IL34: variants seen among roughly 807,000 people sequenced by gnomAD.
IL34 encodes the protein interleukin-34.
In IL34, 17 loss-of-function variants were observed where a neutral mutation model predicts 25.3. The observed-to-expected ratio is 0.67, with a 90% CI of 0.46 to 1.01. The LOEUF (loss-of-function observed/expected upper bound fraction) is 1.01. Ranked by LOEUF, IL34 falls within the 50% of genes least tolerant of loss-of-function variation. The pLI is 0.00. For missense variants in IL34, 368 were observed against 312.9 expected, an observed-to-expected ratio of 1.18 and a Z score of -1.33; for synonymous variants, 174 against 140.9, an observed-to-expected ratio of 1.23 and a Z score of -1.66.
At chr16:70,617,359 A>G (rs910644984) in intron 1 of IL34, among the ~76,000 whole-genome samples, 1 of 152,192 alleles carries the variant, frequency 6.6e-6, no homozygotes, top group Non-Finnish European at 1.5e-5. Flanking sequence ...GCACGAGGAG[A>G]TATCAGCTGT....
intron 1 of IL34, among the ~76,000 whole-genome samples, chr16:70,596,866 C>G (rs936847276): frequency 6.6e-6 from 1 of 152,092 alleles, no homozygotes; most frequent in African/African-American, 2.4e-5. Flanking sequence ...GGATTACAGG[C>G]ATGAGCCACC....
Position 70,639,778 on chromosome 16 carries a change from AC to A in IL34, c.-400-6767del, listed in dbSNP as rs2051739193. 3.3e-5 allele frequency among the ~76,000 whole-genome samples: 5 copies of A among 152,110 alleles called. No homozygotes were observed. In the South Asian group the frequency reaches 1.0e-3, roughly 32 times the overall value. On this transcript the variant is annotated intron_variant, in intron 1 of 6. Transcript: ENST00000429149. ...AGAGCAGCTTGAGCAACATAGTGAGACCCTGTCTCTACAAAAACTAAAAATA... is the reference window on the plus strand; with the variant it reads ...AGAGCAGCTTGAGCAACATAGTGAGACCTGTCTCTACAAAAACTAAAAATA...
At chr16:70,638,148 GCTTCC>G (rs2051697683) in intron 1 of IL34, among the ~76,000 whole-genome samples, 1 of 152,182 alleles carries the variant, frequency 6.6e-6, no homozygotes, top group Non-Finnish European at 1.5e-5. Context: ...AATTAGCCCT[GCTTCC>G]AACCAGAGGG....
Position 70,599,627 on chromosome 16 carries a change from G to A in IL34, c.-401+19578G>A, listed in dbSNP as rs536055957. ...TGACCTTCAGGTGATCGCCCGCCTCGGCAGTCCAAAGTGTGCTGGGATTAC... is the reference window on the plus strand; with the variant it reads ...TGACCTTCAGGTGATCGCCCGCCTCAGCAGTCCAAAGTGTGCTGGGATTAC... On this transcript the variant is annotated intron_variant, in intron 1 of 6. Transcript: ENST00000429149. Among the ~76,000 whole-genome samples the A allele has an allele frequency of 2.0e-3, 307 of 151,244 alleles. 1 individual carries two copies. Among genetic ancestry groups the A allele is most frequent in the African/African-American group, 7.1e-3 (292 of 41,156 alleles).
At chr16:70,609,757 T>C (rs75388002) in intron 1 of IL34, among the ~76,000 whole-genome samples, 8 of 152,148 alleles carry the variant, frequency 5.3e-5, no homozygotes, top group Non-Finnish European at 1.2e-4. Context: ...TGAGTGATAT[T>C]ACCCATGAGG....
chr16:70,632,392 G>A (rs577679484), intron 1 of IL34, among the ~76,000 whole-genome samples: 14 of 152,270 alleles, frequency 9.2e-5, no homozygotes, highest in African/African-American at 3.1e-4. Flanking sequence ...AAATAATGAA[G>A]TTAAAAACAA....
chr16:70,650,493 C>T (rs1017612347), intron 1 of IL34, among the ~76,000 whole-genome samples: 7 of 152,060 alleles, frequency 4.6e-5, no homozygotes, highest in African/African-American at 1.2e-4. Flanking sequence ...GGCCCCAGAA[C>T]GGGACACAGA....
chr16:70,649,528 C>G (rs951334657), intron 1 of IL34, among the ~76,000 whole-genome samples: 3 of 152,214 alleles, frequency 2.0e-5, no homozygotes, highest in African/African-American at 7.2e-5. Context: ...TGTCAGGGCT[C>G]TGCCTCTGGA....
At chr16:70,641,607 C>A (rs2051786915), upstream of IL34, among the ~76,000 whole-genome samples, 1 of 149,142 alleles carries the variant, frequency 6.7e-6, no homozygotes. Context: ...ACTCTGTTGC[C>A]AAGGCTGGAG....
chr16:70,625,025 A>G (rs527847983), intron 1 of IL34, among the ~76,000 whole-genome samples: 2 of 152,218 alleles, frequency 1.3e-5, no homozygotes, highest in South Asian at 2.1e-4. Context: ...CCATTTGTCT[A>G]TTTTACAGCA....
At chr16:70,599,531 A>AT (rs571022559) in intron 1 of IL34, among the ~76,000 whole-genome samples, 2,424 of 132,916 alleles carry the variant, frequency 0.018, 41 homozygotes, top group African/African-American at 0.038. Flanking sequence ...TAATTTTTGT[A>AT]TTTTTTTTTT....
intron 1 of IL34, among the ~76,000 whole-genome samples, chr16:70,630,399 G>A (rs1317771491): frequency 6.7e-6 from 1 of 149,056 alleles, no homozygotes; most frequent in African/African-American, 2.5e-5. Flanking sequence ...GCCTGGCTAA[G>A]TTTTGTATTT....
chr16:70,586,512 C>T (rs539924332), intron 1 of IL34, among the ~76,000 whole-genome samples: 50 of 152,204 alleles, frequency 3.3e-4, no homozygotes, highest in Admixed American at 5.9e-4. Flanking sequence ...GCTGTGTTCG[C>T]GCCACTGCAC....
intron 1 of IL34, among the ~76,000 whole-genome samples, chr16:70,595,538 G>T (rs1945112500): frequency 6.6e-6 from 1 of 151,872 alleles, no homozygotes; most frequent in Non-Finnish European, 1.5e-5. Flanking sequence ...GGCTGGTCTT[G>T]AACTCCTGGA....
At chr16:70,627,176 G>C (rs2051412255) in intron 1 of IL34, among the ~76,000 whole-genome samples, 1 of 152,042 alleles carries the variant, frequency 6.6e-6, no homozygotes, top group Admixed American at 6.5e-5. Flanking sequence ...CCCCTTATAT[G>C]TTGAGCTCTT....
At chr16:70,625,115 TGG>T (rs1310809575) in intron 1 of IL34, among the ~76,000 whole-genome samples, 1 of 152,014 alleles carries the variant, frequency 6.6e-6, no homozygotes, top group Non-Finnish European at 1.5e-5. Flanking sequence ...GAGTTTGTAT[TGG>T]GGTCAAGCAG....
chr16:70,637,863 C>G (rs1488589402), intron 1 of IL34, among the ~76,000 whole-genome samples: 3 of 152,134 alleles, frequency 2.0e-5, no homozygotes, highest in Non-Finnish European at 4.4e-5. Flanking sequence ...TTAAAGCAAT[C>G]GGCACATGGT....
chr16:70,592,329 A>T (rs898488067), intron 1 of IL34, among the ~76,000 whole-genome samples: 3 of 152,002 alleles, frequency 2.0e-5, no homozygotes, highest in Non-Finnish European at 2.9e-5. Context: ...TCTTCTCCCC[A>T]GTGCACCCCA....
chr16:70,599,676 C>A (rs1361367027), intron 1 of IL34, among the ~76,000 whole-genome samples: 2 of 137,190 alleles, frequency 1.5e-5, no homozygotes, highest in Admixed American at 7.4e-5. Flanking sequence ...TGCACCCGGT[C>A]TTTTTTTTTT....
Sources: allele counts gnomAD v4.1 joint callset (sites outside exome capture counted in the v4.1 genomes callset), GRCh38; gene constraint gnomAD v4.1.1; transcripts MANE v1.5; gene names NCBI Gene and HGNC (gene_info 2026-07-23, HGNC 2026-07-21).